CNTN4: variants seen among roughly 807,000 people sequenced by gnomAD.
CNTN4 encodes the protein contactin-4.
Under a neutral mutation model 122.5 loss-of-function variants are expected in CNTN4, and 77 were observed. The observed-to-expected ratio is 0.63, with a 90% CI of 0.52 to 0.76. CNTN4 has a LOEUF of 0.76. CNTN4 is among the 30% of genes least tolerant of loss of function. CNTN4 has a pLI of 0.00. For synonymous variants in CNTN4, 512 were observed against 447.0 expected (o/e 1.15, Z -1.83); for missense variants, 1,256 against 1,259.1 (o/e 1.00, Z 0.04).
chr3:3,027,863 A>G lies in CNTN4; in HGVS notation c.1662+1586A>G, dbSNP rs746287485. 5.0e-4 allele frequency among the ~76,000 whole-genome samples: 76 copies of G among 152,322 alleles called. No homozygotes were observed. In the Middle Eastern group the frequency reaches 0.01, roughly 21 times the overall value. On this transcript the variant is annotated intron_variant, in intron 15 of 24. Coordinates refer to ENST00000418658, the MANE Select transcript of CNTN4 (RefSeq NM_175607.3). ...CACCTAATGAAGTCAAACACTGATG[A>G]CTACCTTTTGTAAAGACAGCTGTCC...
Position 3,038,985 on chromosome 3 carries a change from A to C in CNTN4, c.2145A>C (p.Glu715Asp). 1 of 1,613,942 alleles carries C rather than the reference A, an allele frequency of 6.2e-7. No homozygotes were observed. Among genetic ancestry groups the C allele is most frequent in the Middle Eastern group, 1.6e-4 (1 of 6,062 alleles). The change falls in exon 19 of 25, where the codon GAA (glutamate) becomes GAC (aspartate). Residue 715 changes from glutamate (E) to aspartate (D), a missense_variant. Coordinates refer to ENST00000418658, the MANE Select transcript of CNTN4 (RefSeq NM_175607.3). ...GTGGTGGCGGAGGCAGCAAATCTGA[A>C]CTGGTTATAACCTGGGAGGTAAATG... ...NVSGGGGSKS[E>D]LVITWETVPE...
rs1475643131 is a variant in CNTN4 at position 2,332,126 on chromosome 3, T to C, written c.-144-7052T>C. Among the ~76,000 whole-genome samples, 3 of 152,188 alleles carry C rather than the reference T, an allele frequency of 2.0e-5. No homozygotes were observed. The East Asian group carries it at 5.8e-4, about 29-fold the overall frequency. On this transcript the variant is annotated intron_variant, in intron 2 of 24. Transcript: ENST00000418658. Reference sequence around the variant, plus strand: ...CTTTGTTGTAAATATTTGAGATTGATGATATCTTTGCACATATTGGAAAAC... The same window carrying C: ...CTTTGTTGTAAATATTTGAGATTGACGATATCTTTGCACATATTGGAAAAC...
chr3:2,674,593 T>A (rs750978022), intron 4 of CNTN4, among the ~76,000 whole-genome samples: 2 of 152,094 alleles, frequency 1.3e-5, no homozygotes, highest in African/African-American at 4.8e-5. Context: ...CTCGTCTCTA[T>A]TAAATAATAC....
intron 6 of CNTN4, among the ~76,000 whole-genome samples, chr3:2,772,950 A>C (rs2091166980): frequency 6.6e-6 from 1 of 152,226 alleles, no homozygotes. Context: ...AGATATTTTC[A>C]GGAAGCAGTT....
chr3:2,695,867 T>C (rs2086001820), intron 4 of CNTN4, among the ~76,000 whole-genome samples: 1 of 152,022 alleles, frequency 6.6e-6, no homozygotes, highest in Admixed American at 6.6e-5. Context: ...AGAAGAATGA[T>C]AGGAAGGGAG....
intron 4 of CNTN4, among the ~76,000 whole-genome samples, chr3:2,708,431 A>T (rs999776139): frequency 6.6e-6 from 1 of 152,218 alleles, no homozygotes; most frequent in African/African-American, 2.4e-5. Flanking sequence ...TTACCGTAAG[A>T]GACTCTGTCC....
chr3:2,179,986 C>A (rs1394504677), intron 2 of CNTN4, among the ~76,000 whole-genome samples: 3 of 151,382 alleles, frequency 2.0e-5, no homozygotes, highest in Admixed American at 1.3e-4. Context: ...GTAGATTTTA[C>A]TTATAGCACA....
At chr3:3,001,130 GA>G (rs1216565621) in intron 14 of CNTN4, among the ~76,000 whole-genome samples, 6 of 152,280 alleles carry the variant, frequency 3.9e-5, no homozygotes, top group Admixed American at 6.5e-5. Flanking sequence ...TTGGGCAGAT[GA>G]AAATCAAATG....
chr3:2,944,540 G>A (rs2094653336), intron 13 of CNTN4, among the ~76,000 whole-genome samples: 1 of 152,006 alleles, frequency 6.6e-6, no homozygotes, highest in Non-Finnish European at 1.5e-5. Context: ...CACACATTTT[G>A]CTCTCCTTGA....
At chr3:2,633,444 T>C (rs986122116) in intron 4 of CNTN4, among the ~76,000 whole-genome samples, 1 of 152,208 alleles carries the variant, frequency 6.6e-6, no homozygotes, top group Non-Finnish European at 1.5e-5. Context: ...CATTGTCTGA[T>C]TGTAAATTGT....
intron 13 of CNTN4, among the ~76,000 whole-genome samples, chr3:2,954,869 A>G (rs2094782516): frequency 6.6e-6 from 1 of 151,872 alleles, no homozygotes; most frequent in Admixed American, 6.6e-5. Flanking sequence ...TTCTCTAATC[A>G]TTTTCTCTCA....
intron 3 of CNTN4, among the ~76,000 whole-genome samples, chr3:2,455,425 AAG>A (rs979186739): frequency 6.6e-6 from 1 of 152,128 alleles, no homozygotes; most frequent in Non-Finnish European, 1.5e-5. Context: ...CAGCAAAAAG[AAG>A]AGAGTTAGAA....
chr3:2,240,941 T>C (rs1187782820), intron 2 of CNTN4, among the ~76,000 whole-genome samples: 1 of 152,130 alleles, frequency 6.6e-6, no homozygotes, highest in Non-Finnish European at 1.5e-5. Flanking sequence ...AGCTGTTGAA[T>C]ATTTGTAGTA....
At chr3:2,429,122 C>T (rs769234506) in intron 3 of CNTN4, among the ~76,000 whole-genome samples, 8 of 152,262 alleles carry the variant, frequency 5.3e-5, no homozygotes, top group South Asian at 2.1e-4. Context: ...CCATTGCTGG[C>T]GAGGAGCTGC....
At chr3:2,541,205 C>T (rs975697182) in intron 3 of CNTN4, among the ~76,000 whole-genome samples, 2 of 152,112 alleles carry the variant, frequency 1.3e-5, no homozygotes, top group Non-Finnish European at 2.9e-5. Context: ...TTAGGTGTTG[C>T]ACTTGCACAG....
At chr3:2,566,052 A>G (rs2079145967) in intron 3 of CNTN4, among the ~76,000 whole-genome samples, 1 of 152,220 alleles carries the variant, frequency 6.6e-6, no homozygotes, top group Non-Finnish European at 1.5e-5. Context: ...CCTTCCGACA[A>G]AGTCTCAGCT....
chr3:2,524,579 T>C lies in CNTN4; in HGVS notation c.-88-46837T>C, dbSNP rs181620450. On this transcript the variant is annotated intron_variant, in intron 3 of 24. Coordinates refer to ENST00000418658, the MANE Select transcript of CNTN4 (RefSeq NM_175607.3). ...GATGTAACTAAAGAGAATATGGAAA[T>C]GGCTATAAACGAAAATGCTTCTCAA... 8.2e-3 allele frequency among the ~76,000 whole-genome samples: 1,243 copies of C among 152,184 alleles called. 16 individuals are homozygous for C. Among genetic ancestry groups the C allele is most frequent in the African/African-American group, 0.029 (1,196 of 41,522 alleles).
At chr3:2,804,964 C>CAGG (rs1430700387) in intron 6 of CNTN4, among the ~76,000 whole-genome samples, 1 of 152,052 alleles carries the variant, frequency 6.6e-6, no homozygotes, top group African/African-American at 2.4e-5. Flanking sequence ...CACCTGAGGT[C>CAGG]AGGAGTTCAA....
At chr3:2,623,953 G>T (rs914752359) in intron 4 of CNTN4, among the ~76,000 whole-genome samples, 12 of 152,116 alleles carry the variant, frequency 7.9e-5, no homozygotes, top group Non-Finnish European at 2.9e-5. Flanking sequence ...AAATTTAGCT[G>T]TTTCTTCAAT....
Sources: allele counts gnomAD v4.1 joint callset (sites outside exome capture counted in the v4.1 genomes callset), GRCh38; gene constraint gnomAD v4.1.1; transcripts MANE v1.5; gene names NCBI Gene and HGNC (gene_info 2026-07-23, HGNC 2026-07-21).